The following CFAP58 variants were observed in gnomAD, a reference collection of about 807,000 sequenced individuals.
CFAP58 encodes cilia and flagella associated protein 58.
A neutral mutation model predicts 119.5 loss-of-function variants in CFAP58; 88 were observed. The observed-to-expected ratio is 0.74, with a 90% CI of 0.62 to 0.88. The LOEUF (loss-of-function observed/expected upper bound fraction) is 0.88. CFAP58 is among the 40% of genes least tolerant of loss of function. The pLI, the probability that CFAP58 is intolerant of heterozygous loss-of-function variation, is 0.00. For missense variants in CFAP58, 990 were observed against 1,021.2 expected (o/e 0.97, Z 0.42); for synonymous variants, 365 against 366.3 (o/e 1.00, Z 0.04).
At chr10:104,344,284 A>G in the CFAP58 span, among the ~76,000 whole-genome samples, 1 of 152,200 alleles carries the variant, frequency 6.6e-6, no homozygotes, top group Non-Finnish European at 1.5e-5. Context: ...GGAATACCTT[A>G]ATTCACTTAT....
chr10:104,447,764 G>C lies in CFAP58; in HGVS notation c.2323G>C (p.Glu775Gln). Residue 775 changes from glutamate to glutamine, a missense_variant, in exon 16 of 18, where the codon GAA (glutamate) becomes CAA (glutamine). Coordinates refer to ENST00000369704, the MANE Select transcript of CFAP58 (RefSeq NM_001008723.2). ...CCGCCAGCCTGGACCTGAGGCTGCG[G>C]AACAGCTGAAGCTGTACCGACGCAC... ...LARQPGPEAA[E>Q]QLKLYRRTLH... is the part of the protein sequence containing the mutation. 2 of 1,614,150 alleles carry C rather than the reference G, an allele frequency of 1.2e-6. No individual in the cohort carries two copies. Among genetic ancestry groups the C allele is most frequent in the Non-Finnish European group, 1.7e-6 (2 of 1,180,010 alleles).
In CFAP58 at chr10:104,454,566, A is replaced by G. The variant is rs7905777; in HGVS notation, c.*36A>G. The G allele has an allele frequency of 0.017, 25,314 of 1,467,702 alleles. 1,222 individuals carry two copies. Among genetic ancestry groups the G allele is most frequent in the East Asian group, 0.15 (6,733 of 44,198 alleles). The allele number at this position is 1,467,702 out of a possible 1,614,324, so 90.9% of individuals were successfully genotyped here. On this transcript the variant is annotated 3_prime_UTR_variant, in exon 18 of 18. Coordinates refer to ENST00000369704, the MANE Select transcript of CFAP58 (RefSeq NM_001008723.2). ...CTGGCTGTTTCCAGTTGAACAACTC[A>G]TGAAATCTGCTCTGGGACATTTTGG...
chr10:104,406,571 T>C, intron 14 of CFAP58, 118 bp from the exon 15 acceptor site: 1 of 700,388 alleles, frequency 1.4e-6, no homozygotes, highest in African/African-American at 1.8e-5. Context: ...TAATTCTCTC[T>C]GTATTAGGTC....
At chr10:104,451,966 T>A (rs1174259838) in intron 17 of CFAP58, among the ~76,000 whole-genome samples, 1 of 152,012 alleles carries the variant, frequency 6.6e-6, no homozygotes, top group Non-Finnish European at 1.5e-5. Context: ...CTCGAATTCC[T>A]GGCCCCAAGT....
intron 6 of CFAP58, among the ~76,000 whole-genome samples, chr10:104,370,545 C>G (rs111687886): frequency 2.0e-5 from 3 of 152,124 alleles, no homozygotes; most frequent in Non-Finnish European, 2.9e-5. Context: ...GACCTGCCCC[C>G]GTGATTCAAT....
At chr10:104,425,808 A>AGAAGACT (rs914532471) in intron 15 of CFAP58, among the ~76,000 whole-genome samples, 1 of 152,180 alleles carries the variant, frequency 6.6e-6, no homozygotes, top group African/African-American at 2.4e-5. Flanking sequence ...GTGACAAGGA[A>AGAAGACT]GAAGACTGAG....
intron 15 of CFAP58, among the ~76,000 whole-genome samples, chr10:104,414,091 G>C (rs946454772): frequency 6.6e-6 from 1 of 152,162 alleles, no homozygotes; most frequent in Non-Finnish European, 1.5e-5. Flanking sequence ...ATTGCAGCAC[G>C]TGGTGGGCTA....
rs908250773 is a variant in CFAP58 at position 104,450,692 on chromosome 10, TA to T, written c.2510+489del. On this transcript the variant is annotated intron_variant, in intron 17 of 17. Coordinates refer to ENST00000369704, the MANE Select transcript of CFAP58 (RefSeq NM_001008723.2). ...TGTTTTATTTATTTATTTATTTATT[TA>T]TTTATTTATTTATTTATTTTTGATT... Among the ~76,000 whole-genome samples the T allele has an allele frequency of 5.5e-3, 808 of 148,030 alleles. 6 individuals are homozygous for T. The highest frequency in any genetic ancestry group is 0.02 in the African/African-American group (773 of 38,732).
At chr10:104,453,763 T>C (rs956575134) in intron 17 of CFAP58, among the ~76,000 whole-genome samples, 13 of 119,200 alleles carry the variant, frequency 1.1e-4, no homozygotes, top group African/African-American at 3.8e-4. Context: ...TGAATATGAG[T>C]GTGTGTGTGT....
chr10:104,426,986 T>A (rs1231074138), intron 15 of CFAP58, among the ~76,000 whole-genome samples: 1 of 152,348 alleles, frequency 6.6e-6, no homozygotes, highest in East Asian at 1.9e-4. Flanking sequence ...TGTTGGGTTT[T>A]TAGAAACTTG....
intron 15 of CFAP58, among the ~76,000 whole-genome samples, chr10:104,438,334 G>GTTTT (rs1564904693): frequency 9.0e-6 from 1 of 111,368 alleles, no homozygotes; most frequent in African/African-American, 3.7e-5. Context: ...TTGTTTTTTT[G>GTTTT]TTTTTTGTTT....
At chr10:104,438,596 C>T (rs938339791) in intron 15 of CFAP58, among the ~76,000 whole-genome samples, 20 of 152,066 alleles carry the variant, frequency 1.3e-4, no homozygotes, top group African/African-American at 3.9e-4. Context: ...AGGATGGTCT[C>T]GATCCCCTGA....
chr10:104,442,729 A>T (rs1260172842), intron 15 of CFAP58, among the ~76,000 whole-genome samples: 1 of 152,232 alleles, frequency 6.6e-6, no homozygotes, highest in Non-Finnish European at 1.5e-5. Flanking sequence ...GTTTGAAACT[A>T]CTTGAACTAT....
chr10:104,363,394 C>T (rs553718506), intron 3 of CFAP58, among the ~76,000 whole-genome samples: 9 of 152,278 alleles, frequency 5.9e-5, no homozygotes, highest in East Asian at 1.9e-4. Context: ...CAGTTTCTTA[C>T]GCTTTTTTGA....
At chr10:104,404,732 C>T (rs1310621146) in intron 14 of CFAP58, among the ~76,000 whole-genome samples, 1 of 152,124 alleles carries the variant, frequency 6.6e-6, no homozygotes, top group Non-Finnish European at 1.5e-5. Context: ...GCCTCAGCCT[C>T]CCAAGTAGCT....
chr10:104,430,334 ACTAAAATCACACAGG>A (rs1297481775), intron 15 of CFAP58, among the ~76,000 whole-genome samples: 2 of 152,226 alleles, frequency 1.3e-5, no homozygotes, highest in African/African-American at 4.8e-5. Flanking sequence ...CCCCAGGACC[ACTAAAATCACACAGG>A]CTGATCCAGT....
the CFAP58 span, among the ~76,000 whole-genome samples, chr10:104,347,395 A>G: frequency 2.6e-5 from 4 of 152,092 alleles, no homozygotes; most frequent in Non-Finnish European, 4.4e-5. Context: ...GATTAAAGGA[A>G]TAAAATATGC....
At chr10:104,411,160 G>A (rs1047762262) in intron 15 of CFAP58, among the ~76,000 whole-genome samples, 2 of 152,042 alleles carry the variant, frequency 1.3e-5, no homozygotes, top group Non-Finnish European at 2.9e-5. Context: ...GGCTGGTCTC[G>A]AACTCCTGAC....
chr10:104,419,015 T>C (rs1311448982), intron 15 of CFAP58, among the ~76,000 whole-genome samples: 1 of 152,128 alleles, frequency 6.6e-6, no homozygotes, highest in Non-Finnish European at 1.5e-5. Flanking sequence ...GCCTTGATGC[T>C]CTCATTGAAG....
Sources: allele counts gnomAD v4.1 joint callset (sites outside exome capture counted in the v4.1 genomes callset), GRCh38; gene constraint gnomAD v4.1.1; transcripts MANE v1.5; gene names NCBI Gene and HGNC (gene_info 2026-07-23, HGNC 2026-07-21).